The following SLC23A2 variants were observed in gnomAD, a reference collection of about 807,000 sequenced individuals.
The protein encoded by SLC23A2 is Na(+)/L-ascorbic acid transporter 2.
SLC23A2 carries 36 observed loss-of-function variants against 73.3 expected under a neutral mutation model. The ratio of observed to expected loss-of-function variants is 0.49; its 90% CI spans 0.38 to 0.65. SLC23A2 has a LOEUF of 0.65. Among genes scored for constraint, SLC23A2 ranks in the 30% least tolerant of loss-of-function variants. The pLI is 0.00. For missense variants in SLC23A2, 507 were observed against 841.6 expected, an observed-to-expected ratio of 0.60 and a Z score of 4.92; for synonymous variants, 343 against 327.3, an observed-to-expected ratio of 1.05 and a Z score of -0.52.
chr20:4,958,223 G>T (rs2087323459), intron 2 of SLC23A2, among the ~76,000 whole-genome samples: 1 of 152,222 alleles, frequency 6.6e-6, no homozygotes, highest in African/African-American at 2.4e-5. Context: ...GCATGGTGCA[G>T]TATGTGCAGG....
intron 2 of SLC23A2, among the ~76,000 whole-genome samples, chr20:4,957,511 G>A (rs899207975): frequency 6.6e-6 from 1 of 150,982 alleles, no homozygotes; most frequent in Non-Finnish European, 1.5e-5. Context: ...TTAAAGAGGG[G>A]GATAGATTAT....
intron 3 of SLC23A2, among the ~76,000 whole-genome samples, chr20:4,924,685 C>A (rs938708260): frequency 1.3e-5 from 2 of 152,222 alleles, no homozygotes; most frequent in Non-Finnish European, 2.9e-5. Flanking sequence ...GCTGTGGGGC[C>A]TTTGCCCTTG....
chr20:4,996,697 A>C (rs569196065), intron 1 of SLC23A2, among the ~76,000 whole-genome samples: 54 of 143,254 alleles, frequency 3.8e-4, no homozygotes, highest in African/African-American at 1.2e-3. Flanking sequence ...AAAAAAAAAA[A>C]AAAAAAAAAA....
chr20:4,924,964 T>C (rs1776971), intron 3 of SLC23A2, among the ~76,000 whole-genome samples: 14,256 of 152,070 alleles, frequency 0.094, 794 homozygotes, highest in African/African-American at 0.15. Context: ...GCAGAAGGAT[T>C]GCTTGAGCTC....
intron 2 of SLC23A2, among the ~76,000 whole-genome samples, chr20:4,957,900 CAAA>C (rs368006652): frequency 5.2e-5 from 4 of 77,368 alleles, no homozygotes; most frequent in Non-Finnish European, 5.8e-5. Context: ...GACTCCATCT[CAAA>C]AAAAAAAAAA....
intron 1 of SLC23A2, among the ~76,000 whole-genome samples, chr20:5,009,324 A>G (rs1030960649): frequency 3.9e-5 from 6 of 152,168 alleles, no homozygotes; most frequent in East Asian, 3.8e-4. Context: ...CCTCAAGGCC[A>G]TCACATTTCT....
At chr20:4,975,903 G>A (rs1226011134) in intron 1 of SLC23A2, among the ~76,000 whole-genome samples, 1 of 150,172 alleles carries the variant, frequency 6.7e-6, no homozygotes, top group Non-Finnish European at 1.5e-5. Context: ...GCCCAGGCTG[G>A]AGTGCAGTGG....
chr20:4,877,111 T>G (rs577444065), intron 9 of SLC23A2, among the ~76,000 whole-genome samples: 1 of 152,022 alleles, frequency 6.6e-6, no homozygotes, highest in Admixed American at 6.6e-5. Context: ...TGTATACATA[T>G]GTAACAAACC....
chr20:4,937,493 G>A (rs2086978195), intron 2 of SLC23A2, among the ~76,000 whole-genome samples: 1 of 152,212 alleles, frequency 6.6e-6, no homozygotes, highest in African/African-American at 2.4e-5. Context: ...GTTGCTAAGT[G>A]TCGGTGTGTG....
chr20:5,006,961 G>GTT (rs1346103885), intron 1 of SLC23A2, among the ~76,000 whole-genome samples: 2 of 146,712 alleles, frequency 1.4e-5, no homozygotes, highest in Non-Finnish European at 2.9e-5. Flanking sequence ...GTGTGTGTGT[G>GTT]TGTGTGTGTG....
intron 6 of SLC23A2, among the ~76,000 whole-genome samples, chr20:4,892,340 C>T (rs1230622150): frequency 6.6e-6 from 1 of 152,026 alleles, no homozygotes; most frequent in Non-Finnish European, 1.5e-5. Context: ...GCACCCACCA[C>T]CATGCCCAGC....
intron 1 of SLC23A2, among the ~76,000 whole-genome samples, chr20:4,993,155 G>T (rs1292792571): frequency 2.6e-5 from 4 of 151,800 alleles, no homozygotes; most frequent in Non-Finnish European, 5.9e-5. Context: ...ATGGTAGCGG[G>T]CGCCTGCAGT....
In SLC23A2 at chr20:4,862,127, C is replaced by A. The variant is rs776974332; in HGVS notation, c.1487-42G>T. ...CAGACCACAAGCTCCAGCACCACTA[C>A]AGCGGGGACAGCTCAAGGCAGGTGA... On this transcript the variant is annotated intron_variant, in intron 14 of 16. Coordinates refer to ENST00000338244, the MANE Select transcript of SLC23A2 (RefSeq NM_005116.6). This position sits in a 1 kb window ranked among gnomAD's most constrained non-coding sequence, Gnocchi z 5.1. The A allele has an allele frequency of 1.2e-6, 2 of 1,607,138 alleles. No homozygotes were observed. Among genetic ancestry groups the A allele is most frequent in the South Asian group, 2.2e-5 (2 of 90,088 alleles).
rs1929594465 is a variant in SLC23A2, at chr20:4,853,343, C to A, written c.*3629G>T. ...GAGGCTTCTGCTACTGCTCCATATT[C>A]ACCTTCAATCTGGCCTGGCCACTCC... On this transcript the variant is annotated 3_prime_UTR_variant, in exon 17 of 17. Transcript: ENST00000338244. The A allele has an allele frequency of 6.6e-6, 1 of 152,656 alleles. No individual in the cohort carries two copies. The highest frequency in any genetic ancestry group is 2.4e-5 in the African/African-American group (1 of 41,456). The allele number at this position is 152,656 out of a possible 1,614,324, so 9.5% of individuals were successfully genotyped here.
At chr20:4,958,382 C>T (rs991409178) in intron 2 of SLC23A2, among the ~76,000 whole-genome samples, 2 of 152,190 alleles carry the variant, frequency 1.3e-5, no homozygotes, top group Admixed American at 6.5e-5. Flanking sequence ...GGAGAAATCA[C>T]ACCAGTAGGT....
intron 2 of SLC23A2, among the ~76,000 whole-genome samples, chr20:4,966,809 TACACACACACACACACACAC>T (rs56931121): frequency 0.017 from 1,909 of 109,814 alleles, 56 homozygotes; most frequent in African/African-American, 0.056. Flanking sequence ...TTGATAGTTT[TACACACACACACACACACAC>T]ACACACACAC....
intron 1 of SLC23A2, among the ~76,000 whole-genome samples, chr20:4,974,708 G>C (rs1462113671): frequency 2.6e-5 from 4 of 151,716 alleles, no homozygotes; most frequent in Non-Finnish European, 4.4e-5. Context: ...TTTTTTCAAG[G>C]TCTTACAAAA....
At position 4,994,739 on chromosome 20, in the gene SLC23A2, C is replaced by T. The variant is rs571881996; in HGVS notation, c.-282+6667G>A. Among the ~76,000 whole-genome samples the T allele has an allele frequency of 4.0e-4, 61 of 151,882 alleles. 1 individual carries two copies. In the South Asian group the frequency reaches 0.011, roughly 28 times the overall value. On this transcript the variant is annotated intron_variant, in intron 1 of 16. Coordinates refer to ENST00000338244, the MANE Select transcript of SLC23A2 (RefSeq NM_005116.6). ...TCGCACCACTGCACTCCAGCCTGGG[C>T]GACAGAGCAAGATTCCGTCCCCAAA...
At chr20:4,909,596 C>A (rs989132047) in intron 4 of SLC23A2, among the ~76,000 whole-genome samples, 2 of 152,030 alleles carry the variant, frequency 1.3e-5, no homozygotes, top group African/African-American at 4.8e-5. Flanking sequence ...CTTTGTCACT[C>A]AGGTTGGAGT....
Sources: gnomAD v4.1 joint callset for allele counts (sites outside exome capture counted in the v4.1 genomes callset) on GRCh38, gnomAD v4.1.1 for gene constraint, Gnocchi (gnomAD v3.1) non-coding constraint, MANE v1.5 for transcripts, NCBI Gene and HGNC (gene_info 2026-07-23, HGNC 2026-07-21) for gene names.